Variants in KLC1 observed in about 807,000 individuals in gnomAD.
KLC1 encodes kinesin 2 60/70kDa.
Under a neutral mutation model 84.2 loss-of-function variants are expected in KLC1, and 30 were observed. That is an observed-to-expected ratio of 0.36 (90% CI 0.27 to 0.48). The LOEUF (loss-of-function observed/expected upper bound fraction) is 0.48, where lower values mean the gene tolerates loss of function less well. Among genes scored for constraint, KLC1 ranks in the 20% least tolerant of loss-of-function variants. The pLI is 0.99. For synonymous variants in KLC1, 289 were observed against 293.3 expected (o/e 0.99, Z 0.15); for missense variants, 499 against 805.4 (o/e 0.62, Z 4.60).
At position 103,692,363 on chromosome 14, in the gene KLC1, A is replaced by G; in HGVS notation, c.1786A>G (p.Lys596Glu). The G allele has an allele frequency of 6.5e-7, 1 of 1,536,658 alleles. No individual in the cohort carries two copies. Among genetic ancestry groups the G allele is most frequent in the South Asian group, 1.2e-5 (1 of 84,064 alleles). ...RESEPKNPGMKRASSLNVLNV... is the reference protein window; with the variant it reads ...RESEPKNPGMERASSLNVLNV... The stretch of plus-strand genomic sequence containing the variant: ...ATGTCCGTGTCCGGGTTGCAGCATG[A>G]AGCGTGCCAGCTCTCTGAATGTCCT... Residue 596 changes from lysine to glutamate, a missense_variant, in exon 15 of 17, where the codon AAG becomes GAG. Around this residue, in one of 3 missense-constraint regions of KLC1, gnomAD observed 167 missense variants for 208.8 expected, o/e 0.80. Coordinates refer to ENST00000334553, the MANE Select transcript of KLC1 (RefSeq NM_001394837.1).
chr14:103,679,309 C>G, intron 12 of KLC1, 75 bp from the exon 13 acceptor site: 7 of 1,355,766 alleles, frequency 5.2e-6, no homozygotes, highest in South Asian at 2.9e-5. Context: ...TTTTTTCTAG[C>G]GAAGTATCTC....
intron 14 of KLC1, among the ~76,000 whole-genome samples, chr14:103,690,135 C>T (rs2082009814): frequency 6.6e-6 from 1 of 151,496 alleles, no homozygotes; most frequent in East Asian, 1.9e-4. Flanking sequence ...GAGCCAAGAT[C>T]ACACCACTGC....
chr14:103,677,916 G>A (rs1342976871), intron 12 of KLC1, among the ~76,000 whole-genome samples: 3 of 150,394 alleles, frequency 2.0e-5, no homozygotes, highest in East Asian at 2.0e-4. Flanking sequence ...GCAGTGAGCC[G>A]ATATCATGCC....
rs897127844 is a variant in KLC1 at position 103,701,078 on chromosome 14, C to G, written c.*2-123C>G. 4.0e-6 allele frequency: 5 copies of G among 1,240,780 alleles called. No homozygotes were observed. The African/African-American group carries it at 5.9e-5, about 15-fold the overall frequency. The allele number at this position is 1,240,780 out of a possible 1,614,324, so 76.9% of individuals were successfully genotyped here. A position where few individuals can be genotyped will look rare whatever the true frequency, so the allele number is the denominator to read the frequency against. ...CGGCCCCAGGGAGGCTCACAACCAG[C>G]AACACCCTCTTCTCTAGGCAGACTT... On this transcript the variant is annotated intron_variant, in intron 16 of 16. Transcript: ENST00000334553.
intron 1 of KLC1, among the ~76,000 whole-genome samples, chr14:103,653,170 G>T (rs774131752): frequency 6.6e-6 from 1 of 152,068 alleles, no homozygotes; most frequent in Non-Finnish European, 1.5e-5. Flanking sequence ...AAGAGACAGG[G>T]TCTTGCTCCG....
At chr14:103,686,275 A>G (rs2081775554) in intron 13 of KLC1, 1 of 960,028 alleles carries the variant, frequency 1.0e-6, no homozygotes, top group Non-Finnish European at 1.2e-6. Context: ...CTCTTTATCC[A>G]TGAAACGCCG....
intron 14 of KLC1, chr14:103,687,545 T>C (rs1027633357): frequency 6.4e-6 from 1 of 156,628 alleles, no homozygotes; most frequent in African/African-American, 2.4e-5. Flanking sequence ...TTGTTTACTC[T>C]AGATATGCAT....
intron 1 of KLC1, among the ~76,000 whole-genome samples, chr14:103,653,623 CCT>C (rs1595364298): frequency 1.3e-5 from 2 of 152,182 alleles, no homozygotes; most frequent in African/African-American, 4.8e-5. Context: ...GCCTGGCTGT[CCT>C]GCCTTTTTAA....
At position 103,693,814 on chromosome 14, in the gene KLC1, G is replaced by A. The variant is rs2082260099; in HGVS notation, c.1848+1389G>A. 1.4e-6 allele frequency: 2 copies of A among 1,393,914 alleles called. No individual in the cohort carries two copies. The highest frequency in any genetic ancestry group is 1.5e-5 in the African/African-American group (1 of 68,158). 86.3% of individuals were successfully genotyped at this position (1,393,914 alleles called of 1,614,324 possible). ...TCAGCATTCTGTTACTCGGCCTGCA[G>A]CCCCAGTGCCAGGAGCCACCCCGAC... On this transcript the variant is annotated intron_variant, in intron 15 of 16. Coordinates refer to ENST00000334553, the MANE Select transcript of KLC1 (RefSeq NM_001394837.1). This position sits in a 1 kb window ranked among gnomAD's most constrained non-coding sequence, Gnocchi z 5.1.
In KLC1 at chr14:103,694,741, G is replaced by A. The variant is rs760019261; in HGVS notation, c.1848+2316G>A. 70 of 985,496 alleles carry A rather than the reference G, an allele frequency of 7.1e-5. No homozygotes were observed. The highest frequency in any genetic ancestry group is 8.2e-5 in the Non-Finnish European group (68 of 829,956). 61.0% of individuals were successfully genotyped at this position (985,496 alleles called of 1,614,324 possible). The stretch of plus-strand genomic sequence containing the variant: ...CCACTGTCATGTAACAGGGTGGGTG[G>A]TGGCACAGCAGAGGCTCACACTTGT... On this transcript the variant is annotated intron_variant, in intron 15 of 16. Transcript: ENST00000334553. The surrounding 1 kb of genome is among the most constrained non-coding windows in gnomAD (Gnocchi z 4.5).
intron 1 of KLC1, among the ~76,000 whole-genome samples, chr14:103,647,018 A>G (rs1159332515): frequency 1.3e-5 from 2 of 152,096 alleles, no homozygotes; most frequent in Non-Finnish European, 2.9e-5. Context: ...GTCAGAGCTG[A>G]GTGGTAGAAC....
At position 103,662,151 on chromosome 14, in the gene KLC1, G is replaced by A. The variant is rs1442228237; in HGVS notation, c.528G>A (p.Leu176=). 6.2e-7 allele frequency: 1 copy of A among 1,613,876 alleles called. No individual in the cohort carries two copies. The highest frequency in any genetic ancestry group is 1.7e-5 in the Admixed American group (1 of 59,982). The change falls in exon 4 of 17, where the codon CTG becomes CTA. Residue 176 remains leucine, a synonymous_variant. Coordinates refer to ENST00000334553, the MANE Select transcript of KLC1 (RefSeq NM_001394837.1). ...DKDTDSTKEP[L]DDLFPNDEDD... ...ACACTGATTCTACCAAAGAGCCTCT[G>A]GATGACCTTTTCCCCAATGATGAAG...
chr14:103,653,621 G>C (rs1201810025), intron 1 of KLC1, among the ~76,000 whole-genome samples: 1 of 152,154 alleles, frequency 6.6e-6, no homozygotes, highest in Non-Finnish European at 1.5e-5. Flanking sequence ...ATGCCTGGCT[G>C]TCCTGCCTTT....
chr14:103,641,955 G>T (rs976833441), intron 1 of KLC1, among the ~76,000 whole-genome samples: 6 of 151,798 alleles, frequency 4.0e-5, no homozygotes, highest in African/African-American at 1.5e-4. Flanking sequence ...TTTTGAGACA[G>T]AGTCTCACTC....
At chr14:103,643,912 G>A (rs1163688990) in intron 1 of KLC1, among the ~76,000 whole-genome samples, 3 of 148,372 alleles carry the variant, frequency 2.0e-5, no homozygotes, top group Admixed American at 6.8e-5. Flanking sequence ...CTTCCAATGT[G>A]GCTGTTAAGA....
At chr14:103,651,357 A>G (rs1210469220) in intron 1 of KLC1, among the ~76,000 whole-genome samples, 1 of 151,846 alleles carries the variant, frequency 6.6e-6, no homozygotes, top group Non-Finnish European at 1.5e-5. Flanking sequence ...CTACGTGCAT[A>G]TAGACTTTTG....
At chr14:103,639,422 C>A (rs28630775) in intron 1 of KLC1, among the ~76,000 whole-genome samples, 1 of 152,114 alleles carries the variant, frequency 6.6e-6, no homozygotes. Context: ...TGAGCCACCA[C>A]GCCTGGCTCT....
chr14:103,637,317 G>A (rs2077122344), intron 1 of KLC1, among the ~76,000 whole-genome samples: 1 of 151,870 alleles, frequency 6.6e-6, no homozygotes, highest in Non-Finnish European at 1.5e-5. Context: ...GGATCATGAA[G>A]TCAGGAGTTT....
chr14:103,656,273 C>G (rs114901944), intron 2 of KLC1, among the ~76,000 whole-genome samples: 2 of 152,136 alleles, frequency 1.3e-5, no homozygotes, highest in African/African-American at 4.8e-5. Context: ...GTCCTTAAGC[C>G]TAAGGAAGGA....
Sources: gnomAD v4.1 joint callset for allele counts (sites outside exome capture counted in the v4.1 genomes callset) on GRCh38, gnomAD v4.1.1 for gene constraint, gnomAD v4.1.1 regional missense constraint, Gnocchi (gnomAD v3.1) non-coding constraint, MANE v1.5 for transcripts, NCBI Gene and HGNC (gene_info 2026-07-23, HGNC 2026-07-21) for gene names.